Variants in ENAH observed in about 807,000 individuals in gnomAD.
The protein encoded by ENAH is ENAH actin regulator, also known as protein enabled homolog.
ENAH carries 23 observed loss-of-function variants against 78.7 expected under a neutral mutation model. The ratio of observed to expected loss-of-function variants is 0.29; its 90% CI spans 0.21 to 0.41. The LOEUF is 0.41. Ranked by LOEUF, ENAH falls within the 10% of genes least tolerant of loss-of-function variation. The pLI is 1.00. For missense variants in ENAH, 544 were observed against 691.0 expected, an observed-to-expected ratio of 0.79 and a Z score of 2.39; for synonymous variants, 226 against 241.0, an observed-to-expected ratio of 0.94 and a Z score of 0.58.
rs2096231289 is a variant in ENAH at position 225,493,170 on chromosome 1, C to G, written c.*4605G>C. 6.6e-6 allele frequency: 1 copy of G among 152,104 alleles called. No homozygotes were observed. Among genetic ancestry groups the G allele is most frequent in the Non-Finnish European group, 1.5e-5 (1 of 68,016 alleles). 9.4% of individuals were successfully genotyped at this position (152,104 alleles called of 1,614,324 possible). Reference sequence around the variant, plus strand: ...AAAATCTTGATGTCTCAAAAATTATCGAGAGATAACATAAAGGGGAACACA... The same window carrying G: ...AAAATCTTGATGTCTCAAAAATTATGGAGAGATAACATAAAGGGGAACACA... On this transcript the variant is annotated 3_prime_UTR_variant, in exon 14 of 14. Transcript: ENST00000366843.
intron 1 of ENAH, among the ~76,000 whole-genome samples, chr1:225,595,826 A>G (rs2096899416): frequency 6.6e-6 from 1 of 152,272 alleles, no homozygotes; most frequent in African/African-American, 2.4e-5. Context: ...GGAGTAACTT[A>G]GCAGAAGGCA....
At chr1:225,617,447 G>C (rs1442486313) in intron 1 of ENAH, among the ~76,000 whole-genome samples, 1 of 152,126 alleles carries the variant, frequency 6.6e-6, no homozygotes, top group Non-Finnish European at 1.5e-5. Context: ...TCAGGATTTA[G>C]ACACATTATC....
chr1:225,611,045 C>A (rs898233578), intron 1 of ENAH, among the ~76,000 whole-genome samples: 1 of 152,150 alleles, frequency 6.6e-6, no homozygotes, highest in Non-Finnish European at 1.5e-5. Context: ...CTAATTGACG[C>A]TGTTCTGGGT....
chr1:225,538,256 T>C (rs2096571840), intron 3 of ENAH, among the ~76,000 whole-genome samples: 1 of 151,692 alleles, frequency 6.6e-6, no homozygotes, highest in Admixed American at 6.6e-5. Context: ...AGCAAATGAG[T>C]TTACGTTTGC....
intron 6 of ENAH, among the ~76,000 whole-genome samples, chr1:225,516,603 G>A (rs557061087): frequency 2.0e-5 from 3 of 152,262 alleles, no homozygotes; most frequent in South Asian, 2.1e-4. Flanking sequence ...AGCTGGGTGC[G>A]GTGCTCACAC....
At chr1:225,552,785 C>A (rs757697041) in intron 3 of ENAH, among the ~76,000 whole-genome samples, 2 of 152,142 alleles carry the variant, frequency 1.3e-5, no homozygotes, top group Non-Finnish European at 2.9e-5. Context: ...TTTTCCCACA[C>A]TAAAATGCTT....
At chr1:225,544,969 A>G (rs941487963) in intron 3 of ENAH, among the ~76,000 whole-genome samples, 5 of 152,226 alleles carry the variant, frequency 3.3e-5, no homozygotes, top group African/African-American at 1.2e-4. Flanking sequence ...CAATTTTTAT[A>G]TATTAAGCAT....
chr1:225,548,894 G>C (rs1461376404), intron 3 of ENAH, among the ~76,000 whole-genome samples: 2 of 146,512 alleles, frequency 1.4e-5, no homozygotes, highest in African/African-American at 5.1e-5. Context: ...TTGTCACCCA[G>C]GCTGGAGTGC....
intron 4 of ENAH, among the ~76,000 whole-genome samples, chr1:225,530,081 T>C (rs909169903): frequency 6.6e-6 from 1 of 152,224 alleles, no homozygotes. Flanking sequence ...AGAGAACTCC[T>C]AGTCATGGAA....
intron 1 of ENAH, among the ~76,000 whole-genome samples, chr1:225,604,215 G>A (rs2096943695): frequency 6.6e-6 from 1 of 152,136 alleles, no homozygotes; most frequent in Non-Finnish European, 1.5e-5. Flanking sequence ...CTTTGACTTT[G>A]AAAATAACAC....
At chr1:225,512,228 A>G (rs1325302944) in intron 9 of ENAH, among the ~76,000 whole-genome samples, 2 of 152,252 alleles carry the variant, frequency 1.3e-5, no homozygotes, top group African/African-American at 4.8e-5. Flanking sequence ...GCCCAGCTGA[A>G]TCAGGGAGGA....
chr1:225,636,120 T>C (rs1473103414), intron 1 of ENAH, among the ~76,000 whole-genome samples: 4 of 152,158 alleles, frequency 2.6e-5, no homozygotes, highest in East Asian at 1.9e-4. Context: ...CTAATAATGA[T>C]AGGAGCATTT....
At chr1:225,619,020 T>A (rs1350754762) in intron 1 of ENAH, among the ~76,000 whole-genome samples, 1 of 152,068 alleles carries the variant, frequency 6.6e-6, no homozygotes, top group Non-Finnish European at 1.5e-5. Flanking sequence ...CTACATCAAT[T>A]CATCTCCCAA....
rs1277731318 is a variant in ENAH at position 225,523,814 on chromosome 1, C to T, written c.435-4249G>A. 2.6e-5 allele frequency among the ~76,000 whole-genome samples: 4 copies of T among 152,118 alleles called. No individual in the cohort carries two copies. The East Asian group carries it at 7.7e-4, about 29-fold the overall frequency. On this transcript the variant is annotated intron_variant, in intron 4 of 13. Transcript: ENST00000366843. ...GGAGTTTCCAAATTTATAAACTTTG[C>T]TTTTCCTCAGAATTATCGCTGCCAA...
intron 1 of ENAH, among the ~76,000 whole-genome samples, chr1:225,637,708 T>C (rs1260316634): frequency 6.7e-6 from 1 of 148,350 alleles, no homozygotes; most frequent in African/African-American, 2.7e-5. Flanking sequence ...ACTCTAAGAA[T>C]TTAACTGGCT....
At chr1:225,528,689 G>C (rs577918375) in intron 4 of ENAH, among the ~76,000 whole-genome samples, 65 of 152,210 alleles carry the variant, frequency 4.3e-4, no homozygotes, top group African/African-American at 1.5e-3. Context: ...GAGATTTCCG[G>C]AAGACAGAAA....
In ENAH at chr1:225,601,783, A is replaced by G. The variant is rs563529882; in HGVS notation, c.6-34369T>C. Among the ~76,000 whole-genome samples the G allele has an allele frequency of 2.0e-5, 3 of 152,146 alleles. No individual in the cohort carries two copies. The South Asian group carries it at 6.2e-4, about 32-fold the overall frequency. On this transcript the variant is annotated intron_variant, in intron 1 of 13. Coordinates refer to ENST00000366843, the MANE Select transcript of ENAH (RefSeq NM_018212.6). ...AAATATTCAAATTTGGAAACTAAAA[A>G]AAATATAACTTAATAACCCTTACGT... is the stretch of plus-strand genomic sequence containing the variant.
In ENAH at chr1:225,488,659, A is replaced by G. The variant is rs1156970938; in HGVS notation, c.*9116T>C. 1 of 152,266 alleles carries G rather than the reference A, an allele frequency of 6.6e-6. No homozygotes were observed. The highest frequency in any genetic ancestry group is 2.4e-5 in the African/African-American group (1 of 41,474). 9.4% of individuals were successfully genotyped at this position (152,266 alleles called of 1,614,324 possible). On this transcript the variant is annotated 3_prime_UTR_variant, in exon 14 of 14. Transcript: ENST00000366843. ...TAGAAACACTTCATGTTCTCCAAAA[A>G]AGAAAAGCACCTAACGAAAAGCATG... is the stretch of plus-strand genomic sequence containing the variant.
rs886234587 is a variant in ENAH, at chr1:225,497,547, A to G, written c.*228T>C. The G allele has an allele frequency of 1.3e-5, 5 of 381,334 alleles. No homozygotes were observed. Among genetic ancestry groups the G allele is most frequent in the African/African-American group, 1.0e-4 (5 of 49,258 alleles). 23.6% of individuals were successfully genotyped at this position (381,334 alleles called of 1,614,324 possible). ...AGGAACTCTTAAATGATTCTCTTCC[A>G]TTCTGTTGTAAAGGCCAGAAAAAAG... On this transcript the variant is annotated 3_prime_UTR_variant, in exon 14 of 14. Transcript: ENST00000366843.
Sources: gnomAD v4.1 joint callset for allele counts (sites outside exome capture counted in the v4.1 genomes callset) on GRCh38, gnomAD v4.1.1 for gene constraint, MANE v1.5 for transcripts, NCBI Gene and HGNC (gene_info 2026-07-23, HGNC 2026-07-21) for gene names.